BRINP2: variants seen among roughly 807,000 people sequenced by gnomAD.
The protein encoded by BRINP2 is BMP/retinoic acid inducible neural specific 2, also known as BMP/retinoic acid-inducible neural-specific protein 2.
In BRINP2, 21 loss-of-function variants were observed where a neutral mutation model predicts 69.2. That is an observed-to-expected ratio of 0.30 (90% confidence interval 0.22 to 0.44). The LOEUF is 0.44. Among genes scored for constraint, BRINP2 ranks in the 20% least tolerant of loss-of-function variants. The pLI, the probability that BRINP2 is intolerant of heterozygous loss-of-function variation, is 1.00. For missense variants in BRINP2, 877 were observed against 986.0 expected (o/e 0.89, Z 1.48); for synonymous variants, 380 against 394.1 (o/e 0.96, Z 0.42).
At chr1:177,279,587 C>G (rs775224466) in intron 7 of BRINP2, among the ~76,000 whole-genome samples, 1 of 152,154 alleles carries the variant, frequency 6.6e-6, no homozygotes, top group Non-Finnish European at 1.5e-5. Flanking sequence ...AGTGGTACAG[C>G]TCTATCAGAG....
chr1:177,248,308 A>C (rs2102339297), intron 2 of BRINP2, among the ~76,000 whole-genome samples: 1 of 152,230 alleles, frequency 6.6e-6, no homozygotes, highest in South Asian at 2.1e-4. Context: ...TGCTCCAGTG[A>C]GTGTTCCCTT....
chr1:177,269,598 AT>A (rs1040639687), intron 4 of BRINP2, among the ~76,000 whole-genome samples: 1 of 152,154 alleles, frequency 6.6e-6, no homozygotes, highest in African/African-American at 2.4e-5. Flanking sequence ...CTGGGATTCA[AT>A]TTGCAGCTTT....
In BRINP2 at chr1:177,230,069, T is replaced by A. The variant is rs920926796; in HGVS notation, c.193T>A (p.Phe65Ile). The change falls in exon 2 of 8, where the codon TTC becomes ATC. Residue 65 changes from phenylalanine (F) to isoleucine (I), a missense_variant. Phe to Ile is a conservative substitution (Grantham distance 21). Around this residue, in one of 3 missense-constraint regions of BRINP2, gnomAD observed 566 missense variants for 625.2 expected, o/e 0.91. Transcript: ENST00000361539. ...CTGGCTGCTCACAGACCGGGGCCCC[T>A]TCCACCGCGCTCAGGAGTATGCTGA... ...LDWLLTDRGP[F>I]HRAQEYADFM... 4.3e-6 allele frequency: 7 copies of A among 1,613,658 alleles called. No homozygotes were observed. The highest frequency in any genetic ancestry group is 1.3e-5 in the African/African-American group (1 of 74,912).
intron 1 of BRINP2, among the ~76,000 whole-genome samples, chr1:177,203,353 A>T (rs60964613): frequency 6.6e-6 from 1 of 152,266 alleles, no homozygotes; most frequent in East Asian, 1.9e-4. Context: ...GGGGAGGGAT[A>T]GCATTAGGAG....
intron 1 of BRINP2, among the ~76,000 whole-genome samples, chr1:177,203,315 C>A (rs1558157974): frequency 6.6e-6 from 1 of 151,900 alleles, no homozygotes; most frequent in Non-Finnish European, 1.5e-5. Context: ...ACATCACACA[C>A]CAGGGACTGT....
Position 177,281,301 on chromosome 1 carries a change from A to T in BRINP2, c.2125A>T (p.Thr709Ser). Reference sequence around the variant, plus strand: ...AATTCTCCAGTTGGACTACCCATATACTCAAGGTTCCCAGGACTCTGCACT... The same window carrying T: ...AATTCTCCAGTTGGACTACCCATATTCTCAAGGTTCCCAGGACTCTGCACT... The part of the protein sequence containing the change: ...DLILQLDYPY[T>S]QGSQDSALLQ... Residue 709 changes from threonine (T) to serine (S), a missense_variant, in exon 8 of 8, where the codon ACT (threonine) becomes TCT (serine). Physicochemically the swap from Thr to Ser is moderately conservative, Grantham distance 58. Transcript: ENST00000361539. The T allele has an allele frequency of 6.2e-7, 1 of 1,614,044 alleles. No individual in the cohort carries two copies. The highest frequency in any genetic ancestry group is 8.5e-7 in the Non-Finnish European group (1 of 1,180,010).
At chr1:177,225,034 G>A (rs929894311) in intron 1 of BRINP2, among the ~76,000 whole-genome samples, 8 of 152,130 alleles carry the variant, frequency 5.3e-5, no homozygotes, top group South Asian at 2.1e-4. Context: ...TGAGTGTGTC[G>A]TCTTTTGACA....
chr1:177,234,278 G>A (rs866860778), intron 2 of BRINP2, among the ~76,000 whole-genome samples: 40 of 152,306 alleles, frequency 2.6e-4, no homozygotes, highest in African/African-American at 8.9e-4. Context: ...GAGGTAGCCA[G>A]TCACAGCCAG....
Position 177,281,203 on chromosome 1 carries a change from G to A in BRINP2, c.2027G>A (p.Gly676Asp). 6.2e-7 allele frequency: 1 copy of A among 1,614,160 alleles called. No homozygotes were observed. The highest frequency in any genetic ancestry group is 8.5e-7 in the Non-Finnish European group (1 of 1,180,034). The part of the protein sequence containing the change: ...LEMTDPSKNL[G>D]YMKINTLQVF... ...ATGACTGATCCCTCTAAGAATTTGG[G>A]TTACATGAAAATTAACACCTTGCAG... is the stretch of plus-strand genomic sequence containing the variant. The change falls in exon 8 of 8, where the codon GGT becomes GAT. Residue 676 changes from glycine to aspartate, a missense_variant. Gly to Asp is a moderately conservative substitution (Grantham distance 94, BLOSUM62 -1). Transcript: ENST00000361539.
intron 1 of BRINP2, among the ~76,000 whole-genome samples, chr1:177,203,823 A>T (rs893046153): frequency 6.6e-6 from 1 of 152,230 alleles, no homozygotes; most frequent in Admixed American, 6.5e-5. Context: ...TGATCCAAAC[A>T]AATATGTACA....
Position 177,281,897 on chromosome 1 carries a change from C to G in BRINP2, c.*369C>G, listed in dbSNP as rs1415240370. 1 of 172,716 alleles carries G rather than the reference C, an allele frequency of 5.8e-6. No homozygotes were observed. The highest frequency in any genetic ancestry group is 1.2e-5 in the Non-Finnish European group (1 of 82,168). The allele number at this position is 172,716 out of a possible 1,614,324, so 10.7% of individuals were successfully genotyped here. A position where few individuals can be genotyped will look rare whatever the true frequency, so the allele number is the denominator to read the frequency against. ...CAAAAATCCTAAAAGTGATTCTTGT[C>G]ATTCAAGAAAGCAAGAGGGGACAAC... is the stretch of plus-strand genomic sequence containing the variant. On this transcript the variant is annotated 3_prime_UTR_variant, in exon 8 of 8. Coordinates refer to ENST00000361539, the MANE Select transcript of BRINP2 (RefSeq NM_021165.4).
At chr1:177,190,565 C>G (rs1245014641) in intron 1 of BRINP2, among the ~76,000 whole-genome samples, 3 of 152,178 alleles carry the variant, frequency 2.0e-5, no homozygotes, top group African/African-American at 7.2e-5. Flanking sequence ...CCTTGTTCCC[C>G]TGGTGGGAGT....
chr1:177,244,749 G>A (rs1018422210), intron 2 of BRINP2, among the ~76,000 whole-genome samples: 4 of 152,150 alleles, frequency 2.6e-5, no homozygotes, highest in Non-Finnish European at 4.4e-5. Flanking sequence ...TTCTTCTAGT[G>A]GTGTTTATTC....
At chr1:177,233,496 A>T (rs184681417) in intron 2 of BRINP2, among the ~76,000 whole-genome samples, 4 of 152,246 alleles carry the variant, frequency 2.6e-5, no homozygotes, top group Admixed American at 6.5e-5. Context: ...TAGCCTATGC[A>T]GGAAGGATAA....
chr1:177,217,914 G>A (rs1472920715), intron 1 of BRINP2, among the ~76,000 whole-genome samples: 1 of 152,190 alleles, frequency 6.6e-6, no homozygotes, highest in African/African-American at 2.4e-5. Context: ...TCCCTGGCCA[G>A]GTACTGCTAT....
intron 4 of BRINP2, among the ~76,000 whole-genome samples, chr1:177,260,356 ACTC>A (rs769882954): frequency 5.6e-4 from 85 of 152,166 alleles, no homozygotes; most frequent in Non-Finnish European, 2.1e-4. Flanking sequence ...GAGGGAATCT[ACTC>A]CTGGTGATGA....
chr1:177,277,305 T>A (rs1000137075), intron 6 of BRINP2, among the ~76,000 whole-genome samples: 1 of 151,748 alleles, frequency 6.6e-6, no homozygotes, highest in Non-Finnish European at 1.5e-5. Context: ...AAATAAAAAA[T>A]ATGTGATAAT....
intron 1 of BRINP2, among the ~76,000 whole-genome samples, chr1:177,205,852 T>C (rs1167432935): frequency 6.6e-6 from 1 of 152,234 alleles, no homozygotes; most frequent in East Asian, 1.9e-4. Context: ...GGCTTCAAGA[T>C]GGCCTTCAAT....
Position 177,273,588 on chromosome 1 carries a change from T to A in BRINP2, c.770T>A (p.Leu257Ter). 1 of 1,578,238 alleles carries A rather than the reference T, an allele frequency of 6.3e-7. No homozygotes were observed. The highest frequency in any genetic ancestry group is 2.3e-5 in the East Asian group (1 of 42,960). Residue 257 changes from leucine to a stop codon, truncating the protein, a stop_gained, in exon 5 of 8, where the codon TTA becomes TAA. Transcript: ENST00000361539. LOFTEE classifies it high-confidence loss of function. ...LVQSPENKVQ[L>*]LGLQVLLPEY... Reference sequence around the variant, plus strand: ...CAGAGTCCAGAGAACAAAGTACAGTTACTTGGTAAGCAGCACTATGATGGT... The same window carrying A: ...CAGAGTCCAGAGAACAAAGTACAGTAACTTGGTAAGCAGCACTATGATGGT...
Sources: allele counts gnomAD v4.1 joint callset (sites outside exome capture counted in the v4.1 genomes callset), GRCh38; gene constraint gnomAD v4.1.1; regional missense constraint gnomAD v4.1.1; transcripts MANE v1.5; gene names NCBI Gene and HGNC (gene_info 2026-07-23, HGNC 2026-07-21).